SLC39A10: variants seen among roughly 807,000 people sequenced by gnomAD.
SLC39A10 encodes the protein solute carrier family 39 member 10, also known as zinc transporter ZIP10.
Under a neutral mutation model 65.1 loss-of-function variants are expected in SLC39A10, and 13 were observed. The ratio of observed to expected loss-of-function variants is 0.20; its 90% CI spans 0.13 to 0.32. The LOEUF (loss-of-function observed/expected upper bound fraction) is 0.32, where lower values mean the gene tolerates loss of function less well. SLC39A10 is among the 10% of genes least tolerant of loss of function. SLC39A10 has a pLI of 1.00. For missense variants in SLC39A10, 831 were observed against 1,018.4 expected (o/e 0.82, Z 2.50); for synonymous variants, 321 against 342.2 (o/e 0.94, Z 0.68).
chr2:195,725,988 G>C (rs13395800), intron 8 of SLC39A10, among the ~76,000 whole-genome samples: 3,421 of 152,274 alleles, frequency 0.022, 56 homozygotes, highest in Non-Finnish European at 0.03. Context: ...AAAAGTTCTA[G>C]AGTTTAATGG....
At chr2:195,659,669 AG>A (rs1181957926) in intron 1 of SLC39A10, among the ~76,000 whole-genome samples, 2 of 152,208 alleles carry the variant, frequency 1.3e-5, no homozygotes, top group Non-Finnish European at 2.9e-5. Flanking sequence ...GCTTACCTTG[AG>A]GAAGTTGCTT....
intron 2 of SLC39A10, among the ~76,000 whole-genome samples, chr2:195,637,424 T>C (rs1688716995): frequency 6.6e-6 from 1 of 152,138 alleles, no homozygotes; most frequent in Admixed American, 6.5e-5. Flanking sequence ...ACTGTAGGGG[T>C]TCACTCAGCT....
At chr2:195,614,074 C>G (rs1250822084) in intron 2 of SLC39A10, among the ~76,000 whole-genome samples, 1 of 152,110 alleles carries the variant, frequency 6.6e-6, no homozygotes, top group Admixed American at 6.6e-5. Context: ...CTGAGTCATC[C>G]ACACTTTTAT....
intron 2 of SLC39A10, among the ~76,000 whole-genome samples, chr2:195,633,799 T>G (rs1196065242): frequency 2.0e-5 from 3 of 152,218 alleles, no homozygotes; most frequent in South Asian, 4.2e-4. Context: ...TTCAGCTGCT[T>G]CTTCTCCTCT....
At chr2:195,675,375 T>C (rs1690040730) in intron 1 of SLC39A10, among the ~76,000 whole-genome samples, 2 of 152,190 alleles carry the variant, frequency 1.3e-5, no homozygotes, top group East Asian at 3.8e-4. Context: ...TTTTACCCAC[T>C]TTGGTTGAGT....
intron 8 of SLC39A10, among the ~76,000 whole-genome samples, chr2:195,726,812 C>G (rs766037103): frequency 6.6e-6 from 1 of 152,106 alleles, no homozygotes; most frequent in Admixed American, 6.6e-5. Context: ...TTTTTAGATA[C>G]GTAGCTGTTA....
rs747053959 is a variant in SLC39A10, at chr2:195,718,325, T to C, written c.2139T>C (p.His713=). Reference sequence around the variant, plus strand: ...CCGTCTTCTGTCATGAACTGCCACATGAATTAGGTAATATAACCTTAAAAA... The same window carrying C: ...CCGTCTTCTGTCATGAACTGCCACACGAATTAGGTAATATAACCTTAAAAA... The part of the protein sequence containing the change: ...SIAVFCHELP[H]ELGDFAVLLK... The change falls in exon 8 of 10, where the codon CAT becomes CAC. Residue 713 remains histidine, a synonymous_variant. Coordinates refer to ENST00000359634, the MANE Select transcript of SLC39A10 (RefSeq NM_020342.3). 5 of 1,605,956 alleles carry C rather than the reference T, an allele frequency of 3.1e-6. No homozygotes were observed. The Admixed American group carries it at 6.7e-5, about 21-fold the overall frequency.
upstream of SLC39A10, among the ~76,000 whole-genome samples, chr2:195,654,403 T>C (rs1689106317): frequency 2.0e-5 from 3 of 152,314 alleles, no homozygotes; most frequent in South Asian, 6.2e-4. Flanking sequence ...TCCTCTTTTG[T>C]ATTAATAGTT....
chr2:195,618,120 TG>T (rs1688266067), intron 2 of SLC39A10, among the ~76,000 whole-genome samples: 2 of 151,268 alleles, frequency 1.3e-5, no homozygotes, highest in South Asian at 2.1e-4. Flanking sequence ...GAGGCTGAGG[TG>T]GGGTGGATCA....
At chr2:195,698,585 TTTTTTC>T (rs1203458466) in intron 3 of SLC39A10, among the ~76,000 whole-genome samples, 2 of 152,074 alleles carry the variant, frequency 1.3e-5, no homozygotes, top group African/African-American at 4.8e-5. Flanking sequence ...ATGTGGGTGT[TTTTTTC>T]TTTATTCTGT....
At chr2:195,700,244 C>T (rs1195240853) in intron 3 of SLC39A10, among the ~76,000 whole-genome samples, 1 of 152,166 alleles carries the variant, frequency 6.6e-6, no homozygotes, top group East Asian at 1.9e-4. Context: ...GGAAGGACTT[C>T]TGTTATTTTG....
intron 5 of SLC39A10, among the ~76,000 whole-genome samples, chr2:195,711,825 A>G (rs1184043064): frequency 7.9e-5 from 12 of 152,110 alleles, no homozygotes; most frequent in Non-Finnish European, 4.4e-5. Context: ...TAATTTCTAT[A>G]TCCTTCTCAT....
At chr2:195,718,128 A>G (rs1444068069) in intron 7 of SLC39A10, 124 bp from the exon 8 acceptor site, 4 of 643,514 alleles carry the variant, frequency 6.2e-6, no homozygotes, top group African/African-American at 5.4e-5. Context: ...GTGTAAGATA[A>G]GTGAGTCACT....
intron 2 of SLC39A10, among the ~76,000 whole-genome samples, chr2:195,636,068 T>C (rs930336231): frequency 2.0e-5 from 3 of 152,212 alleles, no homozygotes; most frequent in Non-Finnish European, 4.4e-5. Context: ...CACTTTGTAA[T>C]TAACCTTCAG....
At chr2:195,663,708 AAAAG>A (rs1013936858) in intron 1 of SLC39A10, among the ~76,000 whole-genome samples, 272 of 108,028 alleles carry the variant, frequency 2.5e-3, no homozygotes, top group Non-Finnish European at 4.1e-3. Context: ...TTATGAAAAA[AAAAG>A]AAATAAGAGA....
At chr2:195,660,878 A>T (rs1689366848) in intron 1 of SLC39A10, among the ~76,000 whole-genome samples, 1 of 152,130 alleles carries the variant, frequency 6.6e-6, no homozygotes, top group Non-Finnish European at 1.5e-5. Flanking sequence ...TATTGCTTTG[A>T]CTGTACTGAT....
intron 9 of SLC39A10, among the ~76,000 whole-genome samples, chr2:195,733,493 G>A (rs1376577921): frequency 6.6e-6 from 1 of 151,992 alleles, no homozygotes; most frequent in East Asian, 1.9e-4. Flanking sequence ...AGATGTAATA[G>A]TATGTGGTAT....
At chr2:195,668,336 A>G (rs1333735919) in intron 1 of SLC39A10, among the ~76,000 whole-genome samples, 1 of 152,262 alleles carries the variant, frequency 6.6e-6, no homozygotes, top group Non-Finnish European at 1.5e-5. Context: ...CCTTTATGAA[A>G]TTAGGAAACT....
intron 2 of SLC39A10, among the ~76,000 whole-genome samples, chr2:195,647,190 C>G (rs1465305693): frequency 6.6e-6 from 1 of 152,106 alleles, no homozygotes; most frequent in East Asian, 1.9e-4. Context: ...TCTACATGTT[C>G]ATAGGATCCA....
Sources: allele counts gnomAD v4.1 joint callset (sites outside exome capture counted in the v4.1 genomes callset), GRCh38; gene constraint gnomAD v4.1.1; transcripts MANE v1.5; gene names NCBI Gene and HGNC (gene_info 2026-07-23, HGNC 2026-07-21).